The following ZNF821 variants were observed in gnomAD, a reference collection of about 807,000 sequenced individuals.
The protein encoded by ZNF821 is zinc finger protein 821.
Under a neutral mutation model 44.3 loss-of-function variants are expected in ZNF821, and 16 were observed. That is an observed-to-expected ratio of 0.36 (90% CI 0.24 to 0.55). The LOEUF is 0.55. ZNF821 is among the 20% of genes least tolerant of loss of function. The pLI is 0.86. For missense variants in ZNF821, 436 were observed against 547.6 expected (o/e 0.80, Z 2.03); for synonymous variants, 204 against 197.6 (o/e 1.03, Z -0.27).
At chr16:71,892,834 G>A (rs2036896931) in intron 1 of ZNF821, among the ~76,000 whole-genome samples, 1 of 147,662 alleles carries the variant, frequency 6.8e-6, no homozygotes, top group Admixed American at 6.8e-5. Context: ...CGGTTCAAGC[G>A]ATTCTTCTGC....
upstream of ZNF821, chr16:71,884,301 C>G (rs1007439608): frequency 7.2e-5 from 11 of 151,978 alleles, no homozygotes; most frequent in African/African-American, 2.7e-4. Flanking sequence ...AGGAGAGGGG[C>G]TCTGGAGAGG....
intron 7 of ZNF821, 119 bp downstream of exon 7, chr16:71,861,657 A>G: frequency 8.4e-7 from 1 of 1,193,042 alleles, no homozygotes. Context: ...TGTACTTCCA[A>G]GGAGCATGCA....
intron 4 of ZNF821, among the ~76,000 whole-genome samples, chr16:71,866,463 A>C (rs753349376): frequency 6.2e-4 from 94 of 152,202 alleles, no homozygotes; most frequent in Non-Finnish European, 1.1e-3. Flanking sequence ...ATTTGAATCC[A>C]ACTCAATAAT....
At chr16:71,871,663 G>C (rs2035209978) in intron 3 of ZNF821, among the ~76,000 whole-genome samples, 1 of 151,794 alleles carries the variant, frequency 6.6e-6, no homozygotes, top group Non-Finnish European at 1.5e-5. Context: ...AAATCCTCTG[G>C]TCCCTAGATA....
intron 1 of ZNF821, among the ~76,000 whole-genome samples, chr16:71,891,995 CAAAAAA>C (rs58554253): frequency 1.9e-4 from 4 of 21,160 alleles, no homozygotes; most frequent in Admixed American, 7.4e-4. Context: ...GACTCCGTCT[CAAAAAA>C]AAAAAAAAAA....
chr16:71,865,683 G>A (rs11642001), intron 4 of ZNF821, among the ~76,000 whole-genome samples: 24,825 of 152,150 alleles, frequency 0.16, 2,537 homozygotes, highest in East Asian at 0.25. Flanking sequence ...AGTGGTATCC[G>A]ACTCACTCGG....
At chr16:71,875,849 T>G (rs747863730) in intron 3 of ZNF821, among the ~76,000 whole-genome samples, 2 of 152,226 alleles carry the variant, frequency 1.3e-5, no homozygotes, top group Non-Finnish European at 2.9e-5. Flanking sequence ...TCCGCCCACC[T>G]TGGCCTCCCA....
At chr16:71,861,252 G>A (rs2033848757) in intron 7 of ZNF821, among the ~76,000 whole-genome samples, 1 of 152,220 alleles carries the variant, frequency 6.6e-6, no homozygotes, top group Admixed American at 6.5e-5. Context: ...TTTCACTCAA[G>A]CCAGAATAAT....
At chr16:71,862,986 C>G (rs1775843829) in intron 6 of ZNF821, among the ~76,000 whole-genome samples, 1 of 152,090 alleles carries the variant, frequency 6.6e-6, no homozygotes, top group Admixed American at 6.5e-5. Context: ...CTCCGCCTCC[C>G]AGGTTCAAGC....
chr16:71,877,984 T>TTA (rs896017851), intron 3 of ZNF821, among the ~76,000 whole-genome samples: 66 of 147,318 alleles, frequency 4.5e-4, no homozygotes, highest in Middle Eastern at 7.1e-3. Flanking sequence ...TATATATATT[T>TTA]TATATATATA....
chr16:71,887,729 A>G (rs2036866799), upstream of ZNF821, among the ~76,000 whole-genome samples: 1 of 152,156 alleles, frequency 6.6e-6, no homozygotes, highest in South Asian at 2.1e-4. Context: ...ATAAAGTCAT[A>G]TCTCATTGTG....
At chr16:71,865,913 A>C (rs1597140334) in intron 4 of ZNF821, among the ~76,000 whole-genome samples, 1 of 152,106 alleles carries the variant, frequency 6.6e-6, no homozygotes, top group Admixed American at 6.5e-5. Flanking sequence ...GTGGCTGGGG[A>C]GTCTGCAAGG....
intron 4 of ZNF821, among the ~76,000 whole-genome samples, chr16:71,865,255 G>A (rs558431363): frequency 1.3e-5 from 2 of 152,348 alleles, no homozygotes; most frequent in South Asian, 4.1e-4. Context: ...AAGGGAAGAT[G>A]TGAAGCAAAA....
At chr16:71,892,642 G>C (rs1391834648) in intron 1 of ZNF821, among the ~76,000 whole-genome samples, 1 of 150,844 alleles carries the variant, frequency 6.6e-6, no homozygotes, top group East Asian at 1.9e-4. Context: ...CGTTATCTCG[G>C]CTCATTGCAA....
chr16:71,872,075 C>T (rs1174050807), intron 3 of ZNF821, among the ~76,000 whole-genome samples: 1 of 152,028 alleles, frequency 6.6e-6, no homozygotes, highest in Non-Finnish European at 1.5e-5. Context: ...AGGTGATCCA[C>T]CCACCTTGGC....
rs1567439761 is a variant in ZNF821, at chr16:71,879,968, T to C, written c.-22A>G. 2 of 1,611,880 alleles carry C rather than the reference T, an allele frequency of 1.2e-6. No individual in the cohort carries two copies. Among genetic ancestry groups the C allele is most frequent in the South Asian group, 2.2e-5 (2 of 90,602 alleles). On this transcript the variant is annotated 5_prime_UTR_variant, in exon 3 of 8. Transcript: ENST00000425432. ...ACATGTTTCCCTGATGCAAGAGCTCTGGTCTTTCCCAGTTTCACGACTGGA... is the reference window on the plus strand; with the variant it reads ...ACATGTTTCCCTGATGCAAGAGCTCCGGTCTTTCCCAGTTTCACGACTGGA...
At chr16:71,890,675 T>G (rs1014838158) in intron 1 of ZNF821, 3 of 151,072 alleles carry the variant, frequency 2.0e-5, no homozygotes, top group African/African-American at 7.3e-5. Flanking sequence ...GTGAGCAAAC[T>G]TTTTCTATAA....
intron 1 of ZNF821, chr16:71,891,486 T>C (rs1335795656): frequency 1.3e-5 from 2 of 152,188 alleles, no homozygotes; most frequent in Non-Finnish European, 2.9e-5. Context: ...AGGATCTAAA[T>C]AGACAGGTAG....
intron 3 of ZNF821, 53 bp downstream of exon 3, chr16:71,879,854 C>T (rs756661533): frequency 3.2e-6 from 5 of 1,556,318 alleles, no homozygotes; most frequent in Non-Finnish European, 4.4e-6. Context: ...GGTTACTCTT[C>T]CATTCCACCC....
Sources: allele counts gnomAD v4.1 joint callset (sites outside exome capture counted in the v4.1 genomes callset), GRCh38; gene constraint gnomAD v4.1.1; transcripts MANE v1.5; gene names NCBI Gene and HGNC (gene_info 2026-07-23, HGNC 2026-07-21).